Variants in COL14A1 observed in about 807,000 individuals in gnomAD.
COL14A1 encodes the protein collagen alpha-1(XIV) chain.
In COL14A1, 136 loss-of-function variants were observed where a neutral mutation model predicts 230.3. The observed-to-expected ratio is 0.59, with a 90% CI of 0.51 to 0.68. The LOEUF (loss-of-function observed/expected upper bound fraction) is 0.68. Among genes scored for constraint, COL14A1 ranks in the 30% least tolerant of loss-of-function variants. The pLI, the probability that COL14A1 is intolerant of heterozygous loss-of-function variation, is 0.00. For synonymous variants in COL14A1, 792 were observed against 784.1 expected (o/e 1.01, Z -0.17); for missense variants, 1,976 against 2,215.8 (o/e 0.89, Z 2.17).
intron 8 of COL14A1, among the ~76,000 whole-genome samples, chr8:120,201,193 G>T (rs191517659): frequency 2.0e-5 from 3 of 152,056 alleles, no homozygotes; most frequent in African/African-American, 7.2e-5. Flanking sequence ...ATTTACAGAA[G>T]AAAGAACAAA....
At chr8:120,208,459 C>G (rs1817517558) in intron 11 of COL14A1, 98 bp downstream of exon 11, 1 of 1,308,228 alleles carries the variant, frequency 7.6e-7, no homozygotes, top group African/African-American at 1.5e-5. Context: ...TGATAGACAT[C>G]CTGAATCGAA....
At chr8:120,233,259 C>T (rs1818336521) in intron 19 of COL14A1, among the ~76,000 whole-genome samples, 5 of 152,136 alleles carry the variant, frequency 3.3e-5, no homozygotes, top group Admixed American at 3.3e-4. Context: ...TGTGCAGAAG[C>T]TCTTTAGTTT....
At chr8:120,205,976 CAT>C (rs1817416984) in intron 9 of COL14A1, among the ~76,000 whole-genome samples, 1 of 152,192 alleles carries the variant, frequency 6.6e-6, no homozygotes, top group Admixed American at 6.6e-5. Context: ...TTTGCTTTAA[CAT>C]GTGTAACACA....
chr8:120,367,369 C>T (rs1377917537), intron 46 of COL14A1, 121 bp downstream of exon 46: 1 of 796,804 alleles, frequency 1.3e-6, no homozygotes, highest in Non-Finnish European at 2.0e-6. Flanking sequence ...GTATTTCTTA[C>T]TTGTTTTATT....
chr8:120,334,278 A>G (rs1268040041), intron 42 of COL14A1, among the ~76,000 whole-genome samples: 1 of 152,186 alleles, frequency 6.6e-6, no homozygotes, highest in Non-Finnish European at 1.5e-5. Flanking sequence ...GCACATACAA[A>G]ATGCATCTTG....
chr8:120,140,299 A>G (rs1439738819), intron 1 of COL14A1, among the ~76,000 whole-genome samples: 1 of 151,726 alleles, frequency 6.6e-6, no homozygotes, highest in Non-Finnish European at 1.5e-5. Context: ...AGTAAATTGT[A>G]AGTGAGCTCA....
chr8:120,199,440 C>T lies in COL14A1; in HGVS notation c.751C>T (p.Pro251Ser). Reference protein sequence around the residue: ...LNYIFENSFKPEAGSRTGVSK... With the variant: ...LNYIFENSFKSEAGSRTGVSK... The stretch of plus-strand genomic sequence containing the variant: ...CTACATTTTTGAAAATAGCTTCAAA[C>T]CAGAAGCAGGATCAAGGACTGGAGT... The change falls in exon 8 of 48, where the codon CCA (proline) becomes TCA (serine). Residue 251 changes from proline to serine, a missense_variant. Around this residue, in one of 3 missense-constraint regions of COL14A1, gnomAD observed 1,791 missense variants for 2,019.5 expected, o/e 0.89. Transcript: ENST00000297848. 6.2e-7 allele frequency: 1 copy of T among 1,608,052 alleles called. No individual in the cohort carries two copies.
intron 23 of COL14A1, among the ~76,000 whole-genome samples, chr8:120,259,268 A>G (rs1483279896): frequency 6.6e-6 from 1 of 152,208 alleles, no homozygotes; most frequent in Non-Finnish European, 1.5e-5. Context: ...GTGGAACTCA[A>G]TAACTACTTG....
At chr8:120,225,995 T>C (rs144247735) in intron 15 of COL14A1, among the ~76,000 whole-genome samples, 1,417 of 140,778 alleles carry the variant, frequency 0.01, 13 homozygotes, top group African/African-American at 0.042. Context: ...GTTTTTATGT[T>C]TTTTTTTTTG....
intron 1 of COL14A1, among the ~76,000 whole-genome samples, chr8:120,141,706 G>A (rs1362451569): frequency 6.6e-6 from 1 of 152,158 alleles, no homozygotes; most frequent in African/African-American, 2.4e-5. Flanking sequence ...AGATTAACCT[G>A]CAATATTACA....
intron 4 of COL14A1, among the ~76,000 whole-genome samples, chr8:120,166,802 G>A (rs1444017009): frequency 6.6e-6 from 1 of 151,812 alleles, no homozygotes; most frequent in African/African-American, 2.4e-5. Context: ...CAAAGAATGC[G>A]AATGAAACGG....
intron 36 of COL14A1, among the ~76,000 whole-genome samples, chr8:120,306,975 TAACACAGTAGTGTAAACTA>T (rs1820875110): frequency 6.6e-6 from 1 of 152,208 alleles, no homozygotes; most frequent in South Asian, 2.1e-4. Context: ...AAAATTTAGC[TAACACAGTAGTGTAAACTA>T]TGAGGACAAT....
At chr8:120,195,207 G>A (rs752268223) in intron 5 of COL14A1, among the ~76,000 whole-genome samples, 14 of 152,056 alleles carry the variant, frequency 9.2e-5, no homozygotes, top group South Asian at 6.2e-4. Context: ...GCAGAGACAC[G>A]TATATTAAAC....
At position 120,168,192 on chromosome 8, in the gene COL14A1, G is replaced by T. The variant is rs939046495; in HGVS notation, c.381G>T (p.Lys127Asn). 3.7e-6 allele frequency: 6 copies of T among 1,612,748 alleles called. No homozygotes were observed. Among genetic ancestry groups the T allele is most frequent in the Non-Finnish European group, 5.1e-6 (6 of 1,179,212 alleles). Residue 127 changes from lysine (K) to asparagine (N), a missense_variant, in exon 5 of 48, where the codon AAG (lysine) becomes AAT (asparagine). Physicochemically the swap from Lys to Asn is moderately conservative, Grantham distance 94 (BLOSUM62 0). Around this residue, in one of 3 missense-constraint regions of COL14A1, gnomAD observed 181 missense variants for 178.6 expected, o/e 1.01. Coordinates refer to ENST00000297848, the MANE Select transcript of COL14A1 (RefSeq NM_021110.4). Reference protein sequence around the residue: ...IKDLEKRKDPKPRVKVVDRGN... With the variant: ...IKDLEKRKDPNPRVKVVDRGN... ...ATTTAGAAAAAAGAAAGGATCCAAA[G>T]CCCAGAGTCAAAGTTGTGGACAGAG... is the stretch of plus-strand genomic sequence containing the variant.
At chr8:120,219,597 C>T (rs976293128) in intron 14 of COL14A1, among the ~76,000 whole-genome samples, 2 of 152,144 alleles carry the variant, frequency 1.3e-5, no homozygotes, top group South Asian at 2.1e-4. Flanking sequence ...CCCTCATGAC[C>T]TAATCATTTC....
At chr8:120,143,872 A>G (rs1815001043) in intron 1 of COL14A1, among the ~76,000 whole-genome samples, 1 of 151,964 alleles carries the variant, frequency 6.6e-6, no homozygotes, top group Non-Finnish European at 1.5e-5. Context: ...ATATCATTGT[A>G]ATAATAATTT....
At chr8:120,324,385 T>A (rs2130168114) in intron 40 of COL14A1, among the ~76,000 whole-genome samples, 1 of 152,322 alleles carries the variant, frequency 6.6e-6, no homozygotes, top group Admixed American at 6.5e-5. Context: ...TGTAACCCAA[T>A]GCAAGGATTG....
intron 35 of COL14A1, among the ~76,000 whole-genome samples, chr8:120,298,636 T>TATATAC (rs1554620787): frequency 1.6e-5 from 2 of 124,532 alleles, no homozygotes; most frequent in Non-Finnish European, 3.4e-5. Context: ...TATATATATA[T>TATATAC]ATACAAAAAT....
At chr8:120,228,680 C>G (rs777370693) in intron 17 of COL14A1, 30 bp from the exon 18 acceptor site, 2 of 1,576,924 alleles carry the variant, frequency 1.3e-6, no homozygotes, top group South Asian at 2.2e-5. Flanking sequence ...GTTGTTTTTG[C>G]AGCATTTTAA....
Sources: gnomAD v4.1 joint callset for allele counts (sites outside exome capture counted in the v4.1 genomes callset) on GRCh38, gnomAD v4.1.1 for gene constraint, gnomAD v4.1.1 regional missense constraint, MANE v1.5 for transcripts, NCBI Gene and HGNC (gene_info 2026-07-23, HGNC 2026-07-21) for gene names.